The following ASTN1 variants were observed in gnomAD, a reference collection of about 807,000 sequenced individuals.
ASTN1 encodes astrotactin 1.
ASTN1 carries 41 observed loss-of-function variants against 140.7 expected under a neutral mutation model. That is an observed-to-expected ratio of 0.29 (90% CI 0.23 to 0.38). ASTN1 has a LOEUF of 0.38. Among genes scored for constraint, ASTN1 ranks in the 10% least tolerant of loss-of-function variants. The probability of loss-of-function intolerance (pLI) is 1.00; values close to 1 mark genes in which losing one functional copy is unlikely to be tolerated. For synonymous variants in ASTN1, 640 were observed against 652.2 expected (o/e 0.98, Z 0.29); for missense variants, 1,479 against 1,678.8 (o/e 0.88, Z 2.08).
intron 1 of ASTN1, among the ~76,000 whole-genome samples, chr1:177,115,599 G>A (rs1326858808): frequency 6.6e-6 from 1 of 151,664 alleles, no homozygotes. Context: ...GGAGGTTGCA[G>A]GGAGCGAAGA....
intron 16 of ASTN1, among the ~76,000 whole-genome samples, chr1:176,911,693 A>G (rs1670247551): frequency 6.6e-6 from 1 of 152,234 alleles, no homozygotes; most frequent in African/African-American, 2.4e-5. Context: ...TAACAATGCC[A>G]TCTTCTGAAC....
At chr1:176,948,170 C>T (rs965701221) in intron 12 of ASTN1, among the ~76,000 whole-genome samples, 2 of 152,148 alleles carry the variant, frequency 1.3e-5, no homozygotes, top group Non-Finnish European at 2.9e-5. Context: ...CATTGCAAGC[C>T]TATCAGACTG....
intron 1 of ASTN1, among the ~76,000 whole-genome samples, chr1:177,126,448 G>C (rs1258523382): frequency 6.6e-6 from 1 of 152,204 alleles, no homozygotes; most frequent in Non-Finnish European, 1.5e-5. Context: ...ATACTCTAGG[G>C]TCTGAGATCT....
At chr1:176,938,162 A>T (rs1413457289) in intron 14 of ASTN1, among the ~76,000 whole-genome samples, 7 of 152,230 alleles carry the variant, frequency 4.6e-5, no homozygotes, top group Admixed American at 4.6e-4. Context: ...ACCAACAGTC[A>T]TACTATTACA....
At chr1:176,969,527 G>A (rs1673041990) in intron 8 of ASTN1, among the ~76,000 whole-genome samples, 1 of 152,182 alleles carries the variant, frequency 6.6e-6, no homozygotes, top group African/African-American at 2.4e-5. Flanking sequence ...AGGAGAGTGA[G>A]TGGCAAGCCT....
intron 17 of ASTN1, among the ~76,000 whole-genome samples, chr1:176,891,916 C>T (rs527742323): frequency 2.6e-5 from 4 of 152,220 alleles, no homozygotes; most frequent in African/African-American, 9.6e-5. Context: ...ATGGGTTGGC[C>T]TAGGAGTGTA....
At chr1:176,989,256 G>A (rs898404054) in intron 8 of ASTN1, among the ~76,000 whole-genome samples, 107 of 152,286 alleles carry the variant, frequency 7.0e-4, no homozygotes, top group African/African-American at 2.5e-3. Flanking sequence ...GATAACTTGT[G>A]ACTGACTCCA....
chr1:176,865,977 C>T (rs577245953), intron 22 of ASTN1, among the ~76,000 whole-genome samples: 1 of 152,284 alleles, frequency 6.6e-6, no homozygotes, highest in African/African-American at 2.4e-5. Context: ...GATTCAATTA[C>T]CTCCCCTGAG....
intron 1 of ASTN1, among the ~76,000 whole-genome samples, chr1:177,109,253 T>C (rs1237376839): frequency 3.9e-5 from 6 of 152,154 alleles, no homozygotes; most frequent in Admixed American, 2.0e-4. Flanking sequence ...GCAGGAAATA[T>C]GTAGTAAACC....
chr1:176,987,638 C>A (rs1673965637), intron 8 of ASTN1, among the ~76,000 whole-genome samples: 1 of 152,218 alleles, frequency 6.6e-6, no homozygotes, highest in Admixed American at 6.5e-5. Context: ...ATGTGCATTT[C>A]TTCTTCTCCC....
intron 22 of ASTN1, among the ~76,000 whole-genome samples, chr1:176,867,931 CTTCCTTCCTTCCTTGTTTGCTTCCTTCT>C (rs1189623991): frequency 6.6e-6 from 1 of 151,506 alleles, no homozygotes; most frequent in African/African-American, 2.4e-5. Context: ...TCCTTCCTTC[CTTCCTTCCTTCCTTGTTTGCTTCCTTCT>C]TTCCTTCCTT....
chr1:177,146,214 C>T (rs1406326670), intron 1 of ASTN1, among the ~76,000 whole-genome samples: 1 of 152,126 alleles, frequency 6.6e-6, no homozygotes, highest in African/African-American at 2.4e-5. Context: ...ATACTCATCT[C>T]CACTTCTTTA....
At chr1:177,130,264 A>G (rs549760340) in intron 1 of ASTN1, among the ~76,000 whole-genome samples, 38 of 152,324 alleles carry the variant, frequency 2.5e-4, no homozygotes, top group African/African-American at 8.2e-4. Context: ...AGGCTTTGGC[A>G]GTGCATGGCA....
chr1:177,039,897 A>C (rs909996389), intron 2 of ASTN1, among the ~76,000 whole-genome samples: 2 of 152,212 alleles, frequency 1.3e-5, no homozygotes, highest in Non-Finnish European at 2.9e-5. Context: ...GCCCACTAGA[A>C]GCAGGTCATC....
intron 2 of ASTN1, among the ~76,000 whole-genome samples, chr1:177,057,314 G>C (rs1290421559): frequency 6.6e-6 from 1 of 152,168 alleles, no homozygotes; most frequent in African/African-American, 2.4e-5. Flanking sequence ...ACTGGGCATG[G>C]TATAAAAGAG....
intron 8 of ASTN1, among the ~76,000 whole-genome samples, chr1:176,989,737 A>AT: frequency 6.6e-6 from 1 of 152,320 alleles, no homozygotes. Flanking sequence ...TAATGGACGA[A>AT]TAATGGCTCA....
Position 177,127,461 on chromosome 1 carries a change from C to T in ASTN1, c.283+36933G>A, listed in dbSNP as rs78848120. Among the ~76,000 whole-genome samples, 902 of 152,314 alleles carry T rather than the reference C, an allele frequency of 5.9e-3. 8 individuals are homozygous for T. The highest frequency in any genetic ancestry group is 0.02 in the African/African-American group (838 of 41,570). ...TCCACTATTCCACCCATGCCCATGC[C>T]TTCTCCATAACTGAGCAGCTACCAT... On this transcript the variant is annotated intron_variant, in intron 1 of 22. Transcript: ENST00000361833.
rs757289219 is a variant in ASTN1, at chr1:176,936,313, C to T, written c.2435G>A (p.Arg812Gln). Residue 812 changes from arginine (R) to glutamine (Q), a missense_variant, in exon 15 of 23, where the codon CGG becomes CAG. Arg to Gln is a conservative substitution (Grantham distance 43). Coordinates refer to ENST00000361833, the MANE Select transcript of ASTN1 (RefSeq NM_004319.3). ...GYPVLQHWKV[R>Q]SVMYHIKLNQ... Reference sequence around the variant, plus strand: ...GAGTTTGATGTGGTACATCACAGACCGGACCTTCCAGTGCTGCAGCACAGG... The same window carrying T: ...GAGTTTGATGTGGTACATCACAGACTGGACCTTCCAGTGCTGCAGCACAGG... 5 of 1,613,776 alleles carry T rather than the reference C, an allele frequency of 3.1e-6. No homozygotes were observed. The highest frequency in any genetic ancestry group is 2.2e-5 in the East Asian group (1 of 44,880).
chr1:177,151,360 C>T (rs183868151), intron 1 of ASTN1, among the ~76,000 whole-genome samples: 153 of 151,198 alleles, frequency 1.0e-3, no homozygotes, highest in Admixed American at 1.4e-3. Flanking sequence ...ATTTCAGGCA[C>T]GTAACAAAGT....
Sources: allele counts gnomAD v4.1 joint callset (sites outside exome capture counted in the v4.1 genomes callset), GRCh38; gene constraint gnomAD v4.1.1; transcripts MANE v1.5; gene names NCBI Gene and HGNC (gene_info 2026-07-23, HGNC 2026-07-21).